The following ZNF124 variants were observed in gnomAD, a reference collection of about 807,000 sequenced individuals.
ZNF124 encodes zinc finger protein 124.
In ZNF124, 25 loss-of-function variants were observed where a neutral mutation model predicts 26.6. The ratio of observed to expected loss-of-function variants is 0.94; its 90% CI spans 0.68 to 1.31. The LOEUF is 1.31. Ranked by LOEUF, ZNF124 falls within the 40% of genes most tolerant of loss-of-function variation. The probability of loss-of-function intolerance (pLI) is 0.00; values close to 1 mark genes in which losing one functional copy is unlikely to be tolerated. For missense variants in ZNF124, 444 were observed against 422.2 expected (o/e 1.05, Z -0.45); for synonymous variants, 129 against 133.3 (o/e 0.97, Z 0.22).
chr1:247,167,325 T>C (rs570436487), intron 1 of ZNF124, among the ~76,000 whole-genome samples: 5 of 151,606 alleles, frequency 3.3e-5, no homozygotes, highest in South Asian at 2.1e-4. Flanking sequence ...TTAGCATTAA[T>C]GTGCCAAATG....
At chr1:247,149,001 C>T (rs901361317) in intron 3 of ZNF124, among the ~76,000 whole-genome samples, 6 of 151,984 alleles carry the variant, frequency 3.9e-5, no homozygotes, top group African/African-American at 1.2e-4. Flanking sequence ...AATCCCAGTG[C>T]TTTAACATGT....
At chr1:247,170,461 T>A (rs565638670) in intron 1 of ZNF124, among the ~76,000 whole-genome samples, 1 of 150,208 alleles carries the variant, frequency 6.7e-6, no homozygotes, top group East Asian at 1.9e-4. Flanking sequence ...CCTGCTTGCC[T>A]TACATTTGGG....
chr1:247,153,889 A>C (rs1359699843), downstream of ZNF124, among the ~76,000 whole-genome samples: 2 of 152,170 alleles, frequency 1.3e-5, no homozygotes, highest in African/African-American at 4.8e-5. Context: ...CTGGGAGAGG[A>C]TAATATAAAG....
rs58118911 is a variant in ZNF124, at chr1:247,155,252, AAT to A, written c.*1312_*1313del. On this transcript the variant is annotated 3_prime_UTR_variant, in exon 4 of 4. Transcript: ENST00000543802. ...TGACAGCAACTCTATTAGCAAAGAAAATAGACTCATTTATCAATGGCCAATTA... is the reference window on the plus strand; with the variant it reads ...TGACAGCAACTCTATTAGCAAAGAAAAGACTCATTTATCAATGGCCAATTA... 0.027 allele frequency among the ~76,000 whole-genome samples: 4,053 copies of A among 152,274 alleles called. 199 individuals carry two copies. The highest frequency in any genetic ancestry group is 0.093 in the African/African-American group (3,847 of 41,528).
Position 247,156,666 on chromosome 1 carries a change from T to G in ZNF124, c.956A>C (p.Glu319Ala). Residue 319 changes from glutamate to alanine, a missense_variant, in exon 4 of 4, where the codon GAA becomes GCA. By Grantham distance (107) the Glu-to-Ala change is moderately radical. Transcript: ENST00000543802. ...AAAGGCTTTGCCACATTTCTGACAT[T>G]CATAGGGTTTCTCTCCAGTATGAGT... ...ERTHTGEKPY[E>A]CQKCGKAFSR... 6.2e-7 allele frequency: 1 copy of G among 1,612,554 alleles called. No homozygotes were observed. The highest frequency in any genetic ancestry group is 1.1e-5 in the South Asian group (1 of 90,820).
chr1:247,129,909 G>C (rs1209251649), intron 3 of ZNF124, among the ~76,000 whole-genome samples: 1 of 8,442 alleles, frequency 1.2e-4, no homozygotes, highest in African/African-American at 1.2e-3. Context: ...TGAGAGGGAG[G>C]GTGGACATTG....
intron 3 of ZNF124, among the ~76,000 whole-genome samples, chr1:247,144,989 C>T (rs1378671838): frequency 1.3e-5 from 2 of 151,964 alleles, no homozygotes; most frequent in South Asian, 4.1e-4. Flanking sequence ...TTGGCCAGGC[C>T]GGTCTCGAAC....
In ZNF124 at chr1:247,172,016, C is replaced by T. The variant is rs1271900146; in HGVS notation, c.-139G>A. The T allele has an allele frequency of 4.1e-5, 2 of 48,354 alleles. No homozygotes were observed. The highest frequency in any genetic ancestry group is 1.7e-4 in the African/African-American group (2 of 11,770). The allele number at this position is 48,354 out of a possible 1,614,324, so 3.0% of individuals were successfully genotyped here. A position where few individuals can be genotyped will look rare whatever the true frequency, so the allele number is the denominator to read the frequency against. ...ACGTGCGGGCACGAGAGACAAAGGC[C>T]GGGCACACCCGGAAGCCGCCTCGGG... On this transcript the variant is annotated 5_prime_UTR_variant, in exon 1 of 4. Coordinates refer to ENST00000543802, the MANE Select transcript of ZNF124 (RefSeq NM_001297568.2).
At chr1:247,162,508 G>A (rs911317032) in intron 1 of ZNF124, among the ~76,000 whole-genome samples, 12 of 150,898 alleles carry the variant, frequency 8.0e-5, no homozygotes, top group Non-Finnish European at 1.3e-4. Context: ...TGCCATCTAG[G>A]TTTGCGTAAG....
intron 1 of ZNF124, among the ~76,000 whole-genome samples, chr1:247,162,162 G>A (rs76962482): frequency 2.0e-5 from 3 of 152,142 alleles, no homozygotes; most frequent in Non-Finnish European, 2.9e-5. Flanking sequence ...AAAAACACAC[G>A]TAAGTACATA....
At chr1:247,148,624 C>T (rs1468985238) in intron 3 of ZNF124, among the ~76,000 whole-genome samples, 1 of 152,134 alleles carries the variant, frequency 6.6e-6, no homozygotes, top group Non-Finnish European at 1.5e-5. Flanking sequence ...GCTTTCTGCT[C>T]AGTAGATTTT....
chr1:247,128,564 C>CT (rs1465802993), intron 3 of ZNF124, among the ~76,000 whole-genome samples: 1 of 149,904 alleles, frequency 6.7e-6, no homozygotes, highest in Non-Finnish European at 1.5e-5. Flanking sequence ...CGAGAGGAGT[C>CT]TCCTGGGATA....
chr1:247,124,683 T>A (rs1387267579), intron 3 of ZNF124, among the ~76,000 whole-genome samples: 1 of 152,236 alleles, frequency 6.6e-6, no homozygotes, highest in Admixed American at 6.5e-5. Context: ...ATTCTGGACA[T>A]TTCATATAAA....
Position 247,132,797 on chromosome 1 carries a change from A to C in ZNF124, c.219-8926T>G, listed in dbSNP as rs564732056. The stretch of plus-strand genomic sequence containing the variant: ...TCTGTTCCGTTCTGATTACCAGTGC[A>C]TGCAGCCCCCAGTCACATACCCCCT... On this transcript the variant is annotated intron_variant, in intron 3 of 3. Transcript: ENST00000472531. 2.3e-3 allele frequency among the ~76,000 whole-genome samples: 349 copies of C among 152,298 alleles called. 2 individuals are homozygous for C. Among genetic ancestry groups the C allele is most frequent in the African/African-American group, 8.0e-3 (334 of 41,552 alleles).
intron 3 of ZNF124, chr1:247,123,986 G>A (rs1191471987): frequency 2.6e-5 from 18 of 687,556 alleles, no homozygotes; most frequent in African/African-American, 1.4e-4. Flanking sequence ...CCGCCACCAC[G>A]CCCGGCTAAT....
At chr1:247,151,441 T>C (rs1275836645), downstream of ZNF124, among the ~76,000 whole-genome samples, 1 of 145,282 alleles carries the variant, frequency 6.9e-6, no homozygotes, top group East Asian at 2.0e-4. Context: ...ATCGCGCCAC[T>C]GCACTCCAGC....
Position 247,156,379 on chromosome 1 carries a change from A to G in ZNF124, c.*187T>C, listed in dbSNP as rs1415181925. The G allele has an allele frequency of 1.6e-6, 2 of 1,253,680 alleles. No individual in the cohort carries two copies. The highest frequency in any genetic ancestry group is 6.2e-5 in the East Asian group (2 of 32,400). The allele number at this position is 1,253,680 out of a possible 1,614,324, so 77.7% of individuals were successfully genotyped here. On this transcript the variant is annotated 3_prime_UTR_variant, in exon 4 of 4. Coordinates refer to ENST00000543802, the MANE Select transcript of ZNF124 (RefSeq NM_001297568.2). ...CAGTGAGTCCTTTCAAGTTTTCAAAAAGAAATGGAAAAATTGAATGCTTTA... is the reference window on the plus strand; with the variant it reads ...CAGTGAGTCCTTTCAAGTTTTCAAAGAGAAATGGAAAAATTGAATGCTTTA...
intron 3 of ZNF124, among the ~76,000 whole-genome samples, chr1:247,131,602 A>C (rs1672370352): frequency 6.6e-6 from 1 of 152,174 alleles, no homozygotes; most frequent in South Asian, 2.1e-4. Flanking sequence ...CCCCTGCTTT[A>C]GCCAGGGAGG....
intron 3 of ZNF124, among the ~76,000 whole-genome samples, chr1:247,141,790 C>T (rs1672635032): frequency 6.6e-6 from 1 of 152,196 alleles, no homozygotes; most frequent in East Asian, 1.9e-4. Context: ...GCAAGCAGCC[C>T]ATATCTCAGT....
Sources: allele counts gnomAD v4.1 joint callset (sites outside exome capture counted in the v4.1 genomes callset), GRCh38; gene constraint gnomAD v4.1.1; transcripts MANE v1.5; gene names NCBI Gene and HGNC (gene_info 2026-07-23, HGNC 2026-07-21).